EYS: variants seen among roughly 807,000 people sequenced by gnomAD.
EYS encodes the protein protein eyes shut homolog.
Under a neutral mutation model 282.1 loss-of-function variants are expected in EYS, and 250 were observed. That is an observed-to-expected ratio of 0.89 (90% confidence interval 0.80 to 0.98). The LOEUF (loss-of-function observed/expected upper bound fraction) is 0.98. Among genes scored for constraint, EYS ranks in the 50% least tolerant of loss-of-function variants. The pLI is 0.00. For synonymous variants in EYS, 1,355 were observed against 1,282.9 expected (o/e 1.06, Z -1.20); for missense variants, 4,016 against 3,709.0 (o/e 1.08, Z -2.15).
rs907584440 is a variant in EYS, at chr6:65,296,179, G to T, written c.1767-60C>A. The T allele has an allele frequency of 3.6e-6, 5 of 1,373,506 alleles. No individual in the cohort carries two copies. The African/African-American group carries it at 5.9e-5, about 16-fold the overall frequency. 85.1% of individuals were successfully genotyped at this position (1,373,506 alleles called of 1,614,324 possible). ...ATATACTTTATTTTGATATATTTAA[G>T]TATTTAAATCACACATTTATTTAAA... On this transcript the variant is annotated intron_variant, in intron 11 of 42. Coordinates refer to ENST00000503581, the MANE Select transcript of EYS (RefSeq NM_001142800.2).
rs192712820 is a variant in EYS, at chr6:63,896,937, T to C, written c.7056-32579A>G. Among the ~76,000 whole-genome samples the C allele has an allele frequency of 8.5e-5, 13 of 152,340 alleles. No individual in the cohort carries two copies. The East Asian group carries it at 2.1e-3, about 25-fold the overall frequency. On this transcript the variant is annotated intron_variant, in intron 35 of 42. Transcript: ENST00000503581. Reference sequence around the variant, plus strand: ...CTGGATGTACCACAGTTTATTCACCTACTGAAGTATATTTTACTGCTTCCA... The same window carrying C: ...CTGGATGTACCACAGTTTATTCACCCACTGAAGTATATTTTACTGCTTCCA...
chr6:63,801,779 C>A (rs937045831), intron 37 of EYS, among the ~76,000 whole-genome samples: 4 of 152,098 alleles, frequency 2.6e-5, no homozygotes, highest in African/African-American at 7.2e-5. Context: ...ATGGTGGTGG[C>A]AGTATTTGGT....
chr6:63,926,273 T>A (rs560257170), intron 35 of EYS, among the ~76,000 whole-genome samples: 146 of 152,342 alleles, frequency 9.6e-4, no homozygotes, highest in African/African-American at 3.3e-3. Flanking sequence ...AATGATAGAA[T>A]CCCTACCACA....
At chr6:64,575,661 T>A (rs1171022600) in intron 26 of EYS, among the ~76,000 whole-genome samples, 1 of 152,080 alleles carries the variant, frequency 6.6e-6, no homozygotes, top group Non-Finnish European at 1.5e-5. Flanking sequence ...AGAAATCAAA[T>A]GTCAGAATAT....
chr6:65,020,521 G>C (rs1158467765), intron 13 of EYS, among the ~76,000 whole-genome samples: 2 of 152,112 alleles, frequency 1.3e-5, no homozygotes, highest in African/African-American at 4.8e-5. Context: ...GCAGGGTACG[G>C]CTCTCGATCC....
chr6:65,652,827 A>C (rs1242202525), intron 1 of EYS, among the ~76,000 whole-genome samples: 1 of 152,006 alleles, frequency 6.6e-6, no homozygotes, highest in Non-Finnish European at 1.5e-5. Context: ...ATGAGATTGT[A>C]CTTATGTTAA....
intron 2 of EYS, among the ~76,000 whole-genome samples, chr6:65,538,977 A>T (rs9351509): frequency 0.17 from 26,531 of 152,224 alleles, 2,912 homozygotes; most frequent in Middle Eastern, 0.32. Context: ...TTAAAGCATA[A>T]GTGAACTAAA....
intron 21 of EYS, among the ~76,000 whole-genome samples, chr6:64,820,611 G>A (rs1764871926): frequency 6.6e-6 from 1 of 152,114 alleles, no homozygotes; most frequent in African/African-American, 2.4e-5. Context: ...GTCAGAAAAT[G>A]TGCTAATTGT....
intron 28 of EYS, among the ~76,000 whole-genome samples, chr6:64,432,402 T>G (rs933756379): frequency 2.0e-5 from 3 of 151,924 alleles, no homozygotes; most frequent in Non-Finnish European, 2.9e-5. Flanking sequence ...AACTCTCTTT[T>G]AATCCCAAAT....
intron 29 of EYS, among the ~76,000 whole-genome samples, chr6:64,345,309 G>A (rs1582631449): frequency 1.3e-5 from 2 of 152,178 alleles, no homozygotes. Flanking sequence ...TATACTATGA[G>A]GCTACAGTAA....
chr6:64,727,754 C>A (rs1485917397), intron 22 of EYS, among the ~76,000 whole-genome samples: 1 of 152,150 alleles, frequency 6.6e-6, no homozygotes, highest in African/African-American at 2.4e-5. Flanking sequence ...GTGACCCAAT[C>A]CTAGAACATA....
At chr6:65,167,037 G>T (rs1160403886) in intron 12 of EYS, among the ~76,000 whole-genome samples, 2 of 151,114 alleles carry the variant, frequency 1.3e-5, no homozygotes, top group Admixed American at 6.6e-5. Flanking sequence ...AAAAAAAGAT[G>T]TAACAACTGT....
rs70999122 is a variant in EYS, at chr6:63,727,737, A to AATATATAT, written c.8072-1065_8072-1058dup. Among the ~76,000 whole-genome samples the AATATATAT allele has an allele frequency of 6.8e-4, 25 of 36,732 alleles. 1 individual carries two copies. Among genetic ancestry groups the AATATATAT allele is most frequent in the African/African-American group, 1.3e-3 (5 of 3,762 alleles). 24.1% of individuals were successfully genotyped at this position (36,732 alleles called of 152,430 possible). On this transcript the variant is annotated intron_variant, in intron 41 of 42. Coordinates refer to ENST00000503581, the MANE Select transcript of EYS (RefSeq NM_001142800.2). ...AAAAAAAAAAAAAAAAAAAAAAAAAAATATATATATATATGTTAGCTGGGC... is the reference window on the plus strand; with the variant it reads ...AAAAAAAAAAAAAAAAAAAAAAAAAAATATATATATATATATATATATGTTAGCTGGGC...
intron 31 of EYS, among the ~76,000 whole-genome samples, chr6:64,115,424 C>A (rs1267428508): frequency 6.6e-6 from 1 of 152,122 alleles, no homozygotes; most frequent in Non-Finnish European, 1.5e-5. Flanking sequence ...GGACCTGGCA[C>A]CAAGAAGGAT....
At chr6:63,833,331 C>T (rs925391636) in intron 36 of EYS, among the ~76,000 whole-genome samples, 2 of 152,126 alleles carry the variant, frequency 1.3e-5, no homozygotes, top group African/African-American at 2.4e-5. Context: ...TCGTCTCAGC[C>T]CCAAATCTCC....
chr6:63,928,565 C>A (rs1035600422), intron 35 of EYS, among the ~76,000 whole-genome samples: 6 of 151,640 alleles, frequency 4.0e-5, no homozygotes, highest in African/African-American at 1.2e-4. Flanking sequence ...TGTGCGCATG[C>A]GTAGGTGCTG....
At chr6:65,091,610 C>T (rs116018886) in intron 12 of EYS, among the ~76,000 whole-genome samples, 2,256 of 152,000 alleles carry the variant, frequency 0.015, 53 homozygotes, top group African/African-American at 0.05. Flanking sequence ...TGTTAAAATG[C>T]TAAGGTTAAT....
chr6:65,073,762 G>T (rs1215853563), intron 12 of EYS, among the ~76,000 whole-genome samples: 2 of 151,914 alleles, frequency 1.3e-5, no homozygotes, highest in Non-Finnish European at 2.9e-5. Context: ...TGCAGAAGAT[G>T]TTAAGTGTAA....
chr6:64,492,082 A>AT, intron 26 of EYS, among the ~76,000 whole-genome samples: 1 of 151,284 alleles, frequency 6.6e-6, no homozygotes, highest in African/African-American at 2.4e-5. Flanking sequence ...ATTTGAAGTA[A>AT]TTTTTGTATT....
Sources: allele counts gnomAD v4.1 joint callset (sites outside exome capture counted in the v4.1 genomes callset), GRCh38; gene constraint gnomAD v4.1.1; transcripts MANE v1.5; gene names NCBI Gene and HGNC (gene_info 2026-07-23, HGNC 2026-07-21).